The following HMGCS1 variants were observed in gnomAD, a reference collection of about 807,000 sequenced individuals.
HMGCS1 encodes hydroxymethylglutaryl-CoA synthase, cytoplasmic.
In HMGCS1, 9 loss-of-function variants were observed where a neutral mutation model predicts 52.3. That is an observed-to-expected ratio of 0.17 (90% confidence interval 0.10 to 0.30). The LOEUF is 0.30. Among genes scored for constraint, HMGCS1 ranks in the 10% least tolerant of loss-of-function variants. The pLI, the probability that HMGCS1 is intolerant of heterozygous loss-of-function variation, is 1.00. For synonymous variants in HMGCS1, 176 were observed against 214.4 expected (o/e 0.82, Z 1.57); for missense variants, 320 against 620.9 (o/e 0.52, Z 5.15).
chr5:43,305,597 C>A (rs1343540914), intron 2 of HMGCS1, among the ~76,000 whole-genome samples: 1 of 151,646 alleles, frequency 6.6e-6, no homozygotes, highest in African/African-American at 2.4e-5. Flanking sequence ...TGGTGAAACC[C>A]CCTCTCTACT....
Position 43,298,348 on chromosome 5 carries a change from A to G in HMGCS1, c.448+170T>C. ...ACCATTTGTCCTACAAGATAAGATA[A>G]CCAATTCACAATTCGGATAATGACA... On this transcript the variant is annotated intron_variant, in intron 3 of 10. Coordinates refer to ENST00000325110, the MANE Select transcript of HMGCS1 (RefSeq NM_001098272.3). This position sits in a 1 kb window ranked among gnomAD's most constrained non-coding sequence, Gnocchi z 5.6. 1 of 660,790 alleles carries G rather than the reference A, an allele frequency of 1.5e-6. No individual in the cohort carries two copies. Among genetic ancestry groups the G allele is most frequent in the South Asian group, 2.0e-5 (1 of 49,502 alleles). 40.9% of individuals were successfully genotyped at this position (660,790 alleles called of 1,614,324 possible).
chr5:43,294,636 A>C, intron 7 of HMGCS1, 55 bp downstream of exon 7: 2 of 1,359,900 alleles, frequency 1.5e-6, no homozygotes, highest in South Asian at 2.9e-5. Flanking sequence ...TGGTCTTAGA[A>C]ATCTAACATC....
intron 7 of HMGCS1, chr5:43,294,425 G>A (rs765535874): frequency 3.9e-6 from 2 of 515,226 alleles, no homozygotes; most frequent in Middle Eastern, 5.0e-4. Flanking sequence ...CATCAACCAG[G>A]TATTTATGGT....
Position 43,288,053 on chromosome 5 carries a change from G to C in HMGCS1, c.*3078C>G, listed in dbSNP as rs974251540. 3 of 152,208 alleles carry C rather than the reference G, an allele frequency of 2.0e-5. No homozygotes were observed. The highest frequency in any genetic ancestry group is 2.9e-5 in the Non-Finnish European group (2 of 68,050). 9.4% of individuals were successfully genotyped at this position (152,208 alleles called of 1,614,324 possible). On this transcript the variant is annotated 3_prime_UTR_variant, in exon 11 of 11. Coordinates refer to ENST00000325110, the MANE Select transcript of HMGCS1 (RefSeq NM_001098272.3). ...GTGAGTATGGTACTGAGTTGAAGCA[G>C]GAAGAGATCAGATCCCACAGGAGTC...
intron 1 of HMGCS1, among the ~76,000 whole-genome samples, chr5:43,309,820 T>C (rs1754770819): frequency 6.6e-6 from 1 of 152,168 alleles, no homozygotes; most frequent in African/African-American, 2.4e-5. Flanking sequence ...GTTTGCAGAC[T>C]CATGGGATGA....
At chr5:43,292,032 C>T (rs1579632473) in intron 10 of HMGCS1, among the ~76,000 whole-genome samples, 3 of 126,652 alleles carry the variant, frequency 2.4e-5, no homozygotes, top group African/African-American at 9.0e-5. Flanking sequence ...CTTGCTCTGT[C>T]GCCAGGCTGG....
chr5:43,299,770 T>C (rs912006316), intron 2 of HMGCS1, among the ~76,000 whole-genome samples: 2 of 152,210 alleles, frequency 1.3e-5, no homozygotes, highest in African/African-American at 4.8e-5. Context: ...TAGATTTACT[T>C]ACCAATAGCA....
chr5:43,293,982 T>A (rs954208620), intron 8 of HMGCS1, 74 bp downstream of exon 8: 1 of 984,494 alleles, frequency 1.0e-6, no homozygotes, highest in Non-Finnish European at 1.6e-6. Context: ...CCCAAACTGC[T>A]GGGATTACGG....
intron 2 of HMGCS1, among the ~76,000 whole-genome samples, chr5:43,305,940 C>T (rs1490484641): frequency 6.6e-6 from 1 of 151,484 alleles, no homozygotes; most frequent in African/African-American, 2.4e-5. Context: ...CTATATTCAC[C>T]ATAAAATAAG....
At position 43,290,436 on chromosome 5, in the gene HMGCS1, C is replaced by G. The variant is rs1753691682; in HGVS notation, c.*695G>C. The G allele has an allele frequency of 6.6e-6, 1 of 152,150 alleles. No homozygotes were observed. The highest frequency in any genetic ancestry group is 2.4e-5 in the African/African-American group (1 of 41,410). The allele number at this position is 152,150 out of a possible 1,614,324, so 9.4% of individuals were successfully genotyped here. On this transcript the variant is annotated 3_prime_UTR_variant, in exon 11 of 11. Coordinates refer to ENST00000325110, the MANE Select transcript of HMGCS1 (RefSeq NM_001098272.3). Reference sequence around the variant, plus strand: ...TGTACCATGTTTTCTATACCAGAAGCCTCTTCAATGGCAGTGTTTCTCTGT... The same window carrying G: ...TGTACCATGTTTTCTATACCAGAAGGCTCTTCAATGGCAGTGTTTCTCTGT...
intron 10 of HMGCS1, among the ~76,000 whole-genome samples, chr5:43,291,987 C>CTTT (rs537398917): frequency 1.9e-3 from 158 of 83,124 alleles, no homozygotes; most frequent in Non-Finnish European, 2.4e-3. Flanking sequence ...ACTGTATATT[C>CTTT]TTTTTTTTTT....
intron 2 of HMGCS1, among the ~76,000 whole-genome samples, chr5:43,303,391 ACTCT>A (rs911345744): frequency 3.3e-5 from 5 of 152,172 alleles, no homozygotes; most frequent in Non-Finnish European, 7.3e-5. Context: ...ATGCTGTCAT[ACTCT>A]CTCTATGCCA....
chr5:43,310,860 G>A (rs1350316827), intron 1 of HMGCS1, among the ~76,000 whole-genome samples: 3 of 152,180 alleles, frequency 2.0e-5, no homozygotes, highest in Non-Finnish European at 4.4e-5. Context: ...GAAAACATTT[G>A]TTGGTCTTAC....
intron 10 of HMGCS1, 43 bp from the exon 11 acceptor site, chr5:43,291,263 C>A (rs755664148): frequency 3.4e-6 from 4 of 1,183,596 alleles, no homozygotes; most frequent in Non-Finnish European, 5.1e-6. Context: ...ATGATTCTTT[C>A]CCCCACAAGA....
intron 1 of HMGCS1, among the ~76,000 whole-genome samples, chr5:43,311,272 A>T (rs1161203976): frequency 6.7e-6 from 1 of 150,256 alleles, no homozygotes; most frequent in Non-Finnish European, 1.5e-5. Flanking sequence ...GTGAGCCGAG[A>T]TCACGCTGCT....
Position 43,301,708 on chromosome 5 carries a change from A to C in HMGCS1, c.-10-2733T>G, listed in dbSNP as rs574281217. Among the ~76,000 whole-genome samples the C allele has an allele frequency of 3.3e-5, 5 of 152,364 alleles. No homozygotes were observed. The South Asian group carries it at 1.0e-3, about 32-fold the overall frequency. On this transcript the variant is annotated intron_variant, in intron 2 of 10. Transcript: ENST00000325110. ...GGTGCTGTGAATGGATGAGTTAGGA[A>C]GCTGACATGGCAGTCCAGATAAGAC...
chr5:43,302,141 T>C (rs1754349717), intron 2 of HMGCS1, among the ~76,000 whole-genome samples: 1 of 152,222 alleles, frequency 6.6e-6, no homozygotes, highest in Admixed American at 6.5e-5. Flanking sequence ...TTTTCCTATC[T>C]ACTTCCTTCC....
In HMGCS1 at chr5:43,298,205, G is replaced by C; in HGVS notation, c.449-71C>G. 7.6e-7 allele frequency: 1 copy of C among 1,324,394 alleles called. No homozygotes were observed. The highest frequency in any genetic ancestry group is 2.3e-5 in the Admixed American group (1 of 44,420). The allele number at this position is 1,324,394 out of a possible 1,614,324, so 82.0% of individuals were successfully genotyped here. ...TAACCAAACATGGAAACTGAAGTCTGTTATATTTTCCCCAGAATATGCTTT... is the reference window on the plus strand; with the variant it reads ...TAACCAAACATGGAAACTGAAGTCTCTTATATTTTCCCCAGAATATGCTTT... On this transcript the variant is annotated intron_variant, in intron 3 of 10. Transcript: ENST00000325110. This position sits in a 1 kb window ranked among gnomAD's most constrained non-coding sequence, Gnocchi z 5.6.
rs1162294014 is a variant in HMGCS1 at position 43,289,490 on chromosome 5, C to G, written c.*1641G>C. Reference sequence around the variant, plus strand: ...CTGTGCCAGTATTTGCAGGCCTGCCCATTGCCGGCAATGGACTTTGAGAAA... The same window carrying G: ...CTGTGCCAGTATTTGCAGGCCTGCCGATTGCCGGCAATGGACTTTGAGAAA... On this transcript the variant is annotated 3_prime_UTR_variant, in exon 11 of 11. Transcript: ENST00000325110. 6.6e-6 allele frequency: 1 copy of G among 152,548 alleles called. No individual in the cohort carries two copies. The highest frequency in any genetic ancestry group is 2.4e-5 in the African/African-American group (1 of 41,428). The allele number at this position is 152,548 out of a possible 1,614,324, so 9.4% of individuals were successfully genotyped here. A position where few individuals can be genotyped will look rare whatever the true frequency, so the allele number is the denominator to read the frequency against.
Sources: allele counts gnomAD v4.1 joint callset (sites outside exome capture counted in the v4.1 genomes callset), GRCh38; gene constraint gnomAD v4.1.1; non-coding constraint Gnocchi (gnomAD v3.1); transcripts MANE v1.5; gene names NCBI Gene and HGNC (gene_info 2026-07-23, HGNC 2026-07-21).